FAM227B: variants seen among roughly 807,000 people sequenced by gnomAD.
The protein encoded by FAM227B is family with sequence similarity 227 member B.
A neutral mutation model predicts 73.8 loss-of-function variants in FAM227B; 88 were observed. That is an observed-to-expected ratio of 1.19 (90% confidence interval 1.00 to 1.42). FAM227B has a LOEUF of 1.42. Among genes scored for constraint, FAM227B ranks in the 40% most tolerant of loss-of-function variants. The probability of loss-of-function intolerance (pLI) is 0.00; values close to 1 mark genes in which losing one functional copy is unlikely to be tolerated. For missense variants in FAM227B, 632 were observed against 590.9 expected, an observed-to-expected ratio of 1.07 and a Z score of -0.72; for synonymous variants, 210 against 190.5, an observed-to-expected ratio of 1.10 and a Z score of -0.84.
At chr15:49,371,796 A>T (rs1276934295) in intron 11 of FAM227B, among the ~76,000 whole-genome samples, 1 of 146,298 alleles carries the variant, frequency 6.8e-6, no homozygotes, top group East Asian at 2.1e-4. Context: ...AATGAAATAA[A>T]ATTCACTTAT....
intron 15 of FAM227B, chr15:49,329,398 G>A: frequency 1.0e-6 from 1 of 985,176 alleles, no homozygotes; most frequent in African/African-American, 1.7e-5. Flanking sequence ...ATGGTTTTAT[G>A]GCATGAATTA....
At chr15:49,405,487 T>G (rs1382183068) in intron 11 of FAM227B, among the ~76,000 whole-genome samples, 1 of 152,228 alleles carries the variant, frequency 6.6e-6, no homozygotes, top group Non-Finnish European at 1.5e-5. Context: ...TCCAACTGTC[T>G]TATTTCAGAA....
In FAM227B at chr15:49,577,639, TTC is replaced by T. The variant is rs1567618942; in HGVS notation, c.429_430del (p.Lys144GlufsTer14). 6 of 1,565,794 alleles carry T rather than the reference TTC, an allele frequency of 3.8e-6. No homozygotes were observed. The highest frequency in any genetic ancestry group is 5.2e-6 in the Non-Finnish European group (6 of 1,146,488). ...AGAAATTTTAAGTACCTCTATATTC[TTC>T]TCTGTCTCCATTTCATCTGAAAGCT... On this transcript the variant is annotated frameshift_variant, in exon 6 of 16. Transcript: ENST00000299338. LOFTEE classifies it high-confidence loss of function.
At chr15:49,569,192 T>C (rs183835010) in intron 8 of FAM227B, among the ~76,000 whole-genome samples, 3 of 152,048 alleles carry the variant, frequency 2.0e-5, no homozygotes, top group African/African-American at 4.8e-5. Flanking sequence ...TTATAATCCT[T>C]TCAACCTCCA....
chr15:49,502,033 A>G (rs1425573260), intron 11 of FAM227B, among the ~76,000 whole-genome samples: 1 of 152,242 alleles, frequency 6.6e-6, no homozygotes. Context: ...AGAATGCAAG[A>G]GTGAAGATCA....
rs755985230 is a variant in FAM227B at position 49,371,388 on chromosome 15, T to C, written c.1024A>G (p.Asn342Asp). ...QEHISTSIDF[N>D]IIKILNNPRA... ...GGGTTGTTCAGAATCTTTATAATAT[T>C]GAAGTCGATACCTAAAACAGAAAAT... The change falls in exon 12 of 16, where the codon AAT becomes GAT. Residue 342 changes from asparagine (N) to aspartate (D), a missense_variant. Asn to Asp is a conservative substitution (Grantham distance 23). Transcript: ENST00000299338. 5 of 1,559,290 alleles carry C rather than the reference T, an allele frequency of 3.2e-6. No homozygotes were observed. Among genetic ancestry groups the C allele is most frequent in the Middle Eastern group, 1.7e-4 (1 of 5,906 alleles).
intron 3 of FAM227B, among the ~76,000 whole-genome samples, chr15:49,598,467 G>A (rs2077008491): frequency 6.6e-6 from 1 of 151,864 alleles, no homozygotes; most frequent in African/African-American, 2.4e-5. Flanking sequence ...AACTGCTCTA[G>A]GAGAACTTTC....
At chr15:49,569,584 A>G (rs55820213) in intron 8 of FAM227B, among the ~76,000 whole-genome samples, 2,937 of 152,096 alleles carry the variant, frequency 0.019, 119 homozygotes, top group African/African-American at 0.068. Context: ...AAATGATTAA[A>G]TCAAGCTACT....
chr15:49,374,750 G>T (rs1277291382), intron 11 of FAM227B, among the ~76,000 whole-genome samples: 3 of 152,158 alleles, frequency 2.0e-5, no homozygotes, highest in African/African-American at 7.2e-5. Flanking sequence ...GACCATGTTG[G>T]TCAGGCTGGT....
chr15:49,485,648 C>G (rs1305315195), intron 11 of FAM227B: 1 of 152,354 alleles, frequency 6.6e-6, no homozygotes, highest in African/African-American at 2.4e-5. Context: ...GAGCCTGAAG[C>G]AATGCTTACA....
chr15:49,365,972 A>G, intron 13 of FAM227B: 6 of 843,336 alleles, frequency 7.1e-6, no homozygotes, highest in Non-Finnish European at 1.3e-5. Context: ...TGGAAGAAAT[A>G]AAGTAAGACC....
At chr15:49,566,825 C>T (rs2152347396) in intron 9 of FAM227B, among the ~76,000 whole-genome samples, 1 of 152,162 alleles carries the variant, frequency 6.6e-6, no homozygotes, top group East Asian at 1.9e-4. Flanking sequence ...CTTCTAATTT[C>T]TTCTTAGAAA....
chr15:49,562,733 A>G (rs1179829323), intron 9 of FAM227B, among the ~76,000 whole-genome samples: 1 of 152,194 alleles, frequency 6.6e-6, no homozygotes, highest in Non-Finnish European at 1.5e-5. Context: ...CCACATAAAT[A>G]TAATTTTTTT....
intron 15 of FAM227B, chr15:49,328,948 A>G: frequency 1.8e-6 from 2 of 1,109,674 alleles, no homozygotes; most frequent in Non-Finnish European, 2.2e-6. Context: ...TTCTATTCAC[A>G]TTGAAATAAA....
At chr15:49,515,251 T>C (rs537097207) in intron 10 of FAM227B, among the ~76,000 whole-genome samples, 1 of 152,300 alleles carries the variant, frequency 6.6e-6, no homozygotes, top group Non-Finnish European at 1.5e-5. Flanking sequence ...GTGTGACAAG[T>C]TTATGTGATA....
In FAM227B at chr15:49,524,048, C is replaced by T. The variant is rs182658643; in HGVS notation, c.875-15700G>A. On this transcript the variant is annotated intron_variant, in intron 10 of 15. Transcript: ENST00000299338. ...TAAAAAAAATTGCAGCCTGATTATG[C>T]GACAGAAACGAAAATCCCATTTTCT... 2.9e-3 allele frequency among the ~76,000 whole-genome samples: 442 copies of T among 152,248 alleles called. 7 individuals are homozygous for T. Among genetic ancestry groups the T allele is most frequent in the South Asian group, 0.027 (128 of 4,826 alleles).
Position 49,366,677 on chromosome 15 carries a change from G to A in FAM227B, c.1271+771C>T, listed in dbSNP as rs536173180. ...CGTGGCAGGGGACAGCCGCCGCTGC[G>A]GCCCCATCGGACTGGTGGGTGGCGG... On this transcript the variant is annotated intron_variant, in intron 13 of 15. Transcript: ENST00000299338. 2.2e-4 allele frequency: 336 copies of A among 1,516,420 alleles called. 1 individual carries two copies. The African/African-American group carries it at 3.3e-3, about 15-fold the overall frequency. 93.9% of individuals were successfully genotyped at this position (1,516,420 alleles called of 1,614,324 possible). A position where few individuals can be genotyped will look rare whatever the true frequency, so the allele number is the denominator to read the frequency against.
chr15:49,355,758 C>T (rs1446951057), intron 13 of FAM227B, among the ~76,000 whole-genome samples: 4 of 151,376 alleles, frequency 2.6e-5, no homozygotes, highest in Admixed American at 6.6e-5. Context: ...AGATACTCCT[C>T]GAGAAGAGCA....
At chr15:49,512,947 C>T (rs1007673251) in intron 10 of FAM227B, among the ~76,000 whole-genome samples, 1 of 152,118 alleles carries the variant, frequency 6.6e-6, no homozygotes, top group African/African-American at 2.4e-5. Flanking sequence ...TTTTTCGTGG[C>T]TGCATAGTAT....
Sources: allele counts gnomAD v4.1 joint callset (sites outside exome capture counted in the v4.1 genomes callset), GRCh38; gene constraint gnomAD v4.1.1; transcripts MANE v1.5; gene names NCBI Gene and HGNC (gene_info 2026-07-23, HGNC 2026-07-21).